Variants in GPC5 observed in about 807,000 individuals in gnomAD.
GPC5 encodes the protein glypican-5.
In GPC5, 47 loss-of-function variants were observed where a neutral mutation model predicts 53.9. The observed-to-expected ratio is 0.87, with a 90% CI of 0.69 to 1.11. The LOEUF is 1.11. Among genes scored for constraint, GPC5 ranks in the 50% most tolerant of loss-of-function variants. The probability of loss-of-function intolerance (pLI) is 0.00; values close to 1 mark genes in which losing one functional copy is unlikely to be tolerated. For missense variants in GPC5, 748 were observed against 713.1 expected (o/e 1.05, Z -0.56); for synonymous variants, 286 against 263.3 (o/e 1.09, Z -0.84).
At chr13:91,757,552 C>T (rs193242751) in intron 5 of GPC5, among the ~76,000 whole-genome samples, 14 of 152,126 alleles carry the variant, frequency 9.2e-5, no homozygotes, top group African/African-American at 2.9e-4. Context: ...TTAATTCTCC[C>T]GAGATCTGAT....
intron 6 of GPC5, among the ~76,000 whole-genome samples, chr13:92,031,129 G>A (rs879468712): frequency 5.3e-5 from 8 of 151,936 alleles, no homozygotes; most frequent in Non-Finnish European, 1.0e-4. Context: ...TTCCCTACCC[G>A]CTTCTTACCC....
chr13:91,462,891 A>T (rs545177946), intron 2 of GPC5, among the ~76,000 whole-genome samples: 2 of 152,240 alleles, frequency 1.3e-5, no homozygotes, highest in African/African-American at 4.8e-5. Flanking sequence ...TGTATCTGGC[A>T]ACTTCTACTC....
chr13:92,569,850 G>A (rs553431421), intron 7 of GPC5, among the ~76,000 whole-genome samples: 4 of 152,240 alleles, frequency 2.6e-5, no homozygotes, highest in South Asian at 2.1e-4. Flanking sequence ...GATACAGCAC[G>A]GAACTATCAG....
At chr13:92,716,477 C>G (rs1420820431) in intron 7 of GPC5, among the ~76,000 whole-genome samples, 1 of 151,672 alleles carries the variant, frequency 6.6e-6, no homozygotes, top group Non-Finnish European at 1.5e-5. Context: ...TATCCCCTCT[C>G]TTCATCTCTT....
At chr13:91,574,420 G>A (rs747427544) in intron 2 of GPC5, among the ~76,000 whole-genome samples, 4 of 152,128 alleles carry the variant, frequency 2.6e-5, no homozygotes, top group African/African-American at 7.2e-5. Flanking sequence ...AGAATCAGAT[G>A]AGACAGTAAC....
chr13:92,167,651 T>C (rs1197508665), intron 7 of GPC5, among the ~76,000 whole-genome samples: 2 of 152,054 alleles, frequency 1.3e-5, no homozygotes, highest in Non-Finnish European at 2.9e-5. Flanking sequence ...AATACAGAAA[T>C]AGATTTAGGG....
Position 92,456,019 on chromosome 13 carries a change from C to T in GPC5, c.1561+311030C>T, listed in dbSNP as rs536770757. 5.5e-4 allele frequency among the ~76,000 whole-genome samples: 83 copies of T among 152,198 alleles called. 1 individual carries two copies. Among genetic ancestry groups the T allele is most frequent in the Non-Finnish European group, 1.0e-3 (70 of 68,042 alleles). On this transcript the variant is annotated intron_variant, in intron 7 of 7. Coordinates refer to ENST00000377067, the MANE Select transcript of GPC5 (RefSeq NM_004466.6). ...AAACACAGACATCCAAATGCTAACACATTTTTCTTTTAAAAAATAAATCAC... is the reference window on the plus strand; with the variant it reads ...AAACACAGACATCCAAATGCTAACATATTTTTCTTTTAAAAAATAAATCAC...
chr13:92,315,120 G>A (rs1055256775), intron 7 of GPC5, among the ~76,000 whole-genome samples: 2 of 152,064 alleles, frequency 1.3e-5, no homozygotes, highest in Non-Finnish European at 2.9e-5. Flanking sequence ...TAACTTCAAG[G>A]GTGACATAAT....
At chr13:92,728,226 T>C (rs1030567191) in intron 7 of GPC5, among the ~76,000 whole-genome samples, 6 of 151,554 alleles carry the variant, frequency 4.0e-5, no homozygotes, top group Admixed American at 1.3e-4. Flanking sequence ...GTTTCTCTTC[T>C]ACATGCCTCT....
chr13:92,084,160 G>C (rs1307936053), intron 6 of GPC5, among the ~76,000 whole-genome samples: 2 of 152,138 alleles, frequency 1.3e-5, no homozygotes, highest in African/African-American at 4.8e-5. Context: ...AGGATAAATA[G>C]CTAGTGAACA....
intron 6 of GPC5, among the ~76,000 whole-genome samples, chr13:91,944,602 T>TA (rs1412267892): frequency 6.6e-6 from 1 of 152,214 alleles, no homozygotes; most frequent in Non-Finnish European, 1.5e-5. Flanking sequence ...GAATCATCAG[T>TA]AAAATGTCTA....
intron 1 of GPC5, among the ~76,000 whole-genome samples, chr13:91,442,524 C>G (rs891036509): frequency 1.3e-5 from 2 of 152,194 alleles, no homozygotes; most frequent in African/African-American, 4.8e-5. Flanking sequence ...TTGTAACATA[C>G]CAGGTCTCCC....
At chr13:91,843,241 A>G (rs947993695) in intron 5 of GPC5, among the ~76,000 whole-genome samples, 12 of 152,234 alleles carry the variant, frequency 7.9e-5, no homozygotes, top group African/African-American at 2.9e-4. Flanking sequence ...ATATACACAC[A>G]AAATTACAAA....
At chr13:92,091,207 T>G (rs1035645510) in intron 6 of GPC5, among the ~76,000 whole-genome samples, 9 of 152,200 alleles carry the variant, frequency 5.9e-5, no homozygotes, top group Non-Finnish European at 1.2e-4. Flanking sequence ...GCCCCATCTT[T>G]AAAACTAATG....
intron 7 of GPC5, among the ~76,000 whole-genome samples, chr13:92,458,648 AAGAG>A (rs1341613014): frequency 6.6e-5 from 10 of 152,018 alleles, no homozygotes; most frequent in Non-Finnish European, 4.4e-5. Flanking sequence ...GAGGGAGAAA[AAGAG>A]AGAAAGAGGA....
chr13:91,537,187 A>T (rs1447347358), intron 2 of GPC5, among the ~76,000 whole-genome samples: 2 of 152,166 alleles, frequency 1.3e-5, no homozygotes, highest in African/African-American at 4.8e-5. Flanking sequence ...AAGACGTAAT[A>T]AATGATTTTA....
intron 7 of GPC5, among the ~76,000 whole-genome samples, chr13:92,760,878 TA>T (rs2138736786): frequency 6.6e-6 from 1 of 152,330 alleles, no homozygotes; most frequent in Admixed American, 6.5e-5. Context: ...AGATATATTT[TA>T]AACTTTTCCT....
At chr13:91,625,179 A>G (rs927329194) in intron 2 of GPC5, among the ~76,000 whole-genome samples, 1 of 151,786 alleles carries the variant, frequency 6.6e-6, no homozygotes, top group Admixed American at 6.6e-5. Context: ...ACATAGGCCA[A>G]AGAGATTGAT....
intron 2 of GPC5, among the ~76,000 whole-genome samples, chr13:91,516,329 G>A (rs1885495369): frequency 1.3e-5 from 2 of 152,148 alleles, no homozygotes; most frequent in Non-Finnish European, 2.9e-5. Context: ...GGTAAATACA[G>A]CTGTTCCAAA....
Sources: allele counts gnomAD v4.1 joint callset (sites outside exome capture counted in the v4.1 genomes callset), GRCh38; gene constraint gnomAD v4.1.1; transcripts MANE v1.5; gene names NCBI Gene and HGNC (gene_info 2026-07-23, HGNC 2026-07-21).